Variants in DCUN1D4 observed in about 807,000 individuals in gnomAD.
DCUN1D4 encodes defective in cullin neddylation 1 domain containing 4.
A neutral mutation model predicts 47.9 loss-of-function variants in DCUN1D4; 22 were observed. The ratio of observed to expected loss-of-function variants is 0.46; its 90% confidence interval spans 0.33 to 0.66. The LOEUF is 0.66. DCUN1D4 is among the 30% of genes least tolerant of loss of function. DCUN1D4 has a pLI of 0.02. For missense variants in DCUN1D4, 301 were observed against 340.8 expected, an observed-to-expected ratio of 0.88 and a Z score of 0.92; for synonymous variants, 121 against 112.2, an observed-to-expected ratio of 1.08 and a Z score of -0.50.
At position 51,863,601 on chromosome 4, in the gene DCUN1D4, G is replaced by A. The variant is rs73246084; in HGVS notation, c.97-69G>A. On this transcript the variant is annotated intron_variant, in intron 2 of 10. Coordinates refer to ENST00000334635, the MANE Select transcript of DCUN1D4 (RefSeq NM_001040402.3). The stretch of plus-strand genomic sequence containing the variant: ...TAAAAATTTAGATTCTAGATATTAG[G>A]ATATCAGTTGTTTATGAAAATGCTA... 2.5e-3 allele frequency: 3,876 copies of A among 1,581,210 alleles called. 15 individuals are homozygous for A. Among genetic ancestry groups the A allele is most frequent in the Non-Finnish European group, 3.1e-3 (3,582 of 1,155,940 alleles).
chr4:51,845,352 T>G, intron 1 of DCUN1D4: 3 of 893,248 alleles, frequency 3.4e-6, no homozygotes, highest in Non-Finnish European at 4.0e-6. Context: ...TAGTGGAATT[T>G]AGGGTGGAAA....
chr4:51,846,665 G>A (rs903179867), intron 1 of DCUN1D4, among the ~76,000 whole-genome samples: 1 of 152,264 alleles, frequency 6.6e-6, no homozygotes, highest in Non-Finnish European at 1.5e-5. Flanking sequence ...ATGATCTCTT[G>A]TATCAGTTAG....
At chr4:51,841,241 A>C (rs1721632628), upstream of DCUN1D4, among the ~76,000 whole-genome samples, 1 of 143,360 alleles carries the variant, frequency 7.0e-6, no homozygotes, top group African/African-American at 2.5e-5. Context: ...GGTAAACGGT[A>C]AAAAAAAAAA....
chr4:51,839,754 A>G (rs1359778310), upstream of DCUN1D4, among the ~76,000 whole-genome samples: 2 of 152,204 alleles, frequency 1.3e-5, no homozygotes, highest in African/African-American at 4.8e-5. Context: ...GGACACATTT[A>G]TCTGTCTGTG....
At chr4:51,903,703 A>G (rs144159006) in intron 8 of DCUN1D4, among the ~76,000 whole-genome samples, 2 of 152,036 alleles carry the variant, frequency 1.3e-5, no homozygotes. Context: ...TCTGTGTCTC[A>G]TTTTTAATCA....
intron 1 of DCUN1D4, among the ~76,000 whole-genome samples, chr4:51,858,892 G>T (rs972624004): frequency 6.6e-6 from 1 of 152,202 alleles, no homozygotes; most frequent in South Asian, 2.1e-4. Flanking sequence ...GACTGTATGG[G>T]CCAGAAATCC....
chr4:51,872,189 A>C (rs1727001943), intron 3 of DCUN1D4, among the ~76,000 whole-genome samples: 1 of 152,194 alleles, frequency 6.6e-6, no homozygotes. Flanking sequence ...TATAATGGAA[A>C]GGGTGCTTTG....
chr4:51,841,963 G>A (rs1183641224), upstream of DCUN1D4, among the ~76,000 whole-genome samples: 1 of 147,632 alleles, frequency 6.8e-6, no homozygotes, highest in African/African-American at 2.5e-5. Flanking sequence ...CTGGGATGAG[G>A]GTGGAGGCAG....
chr4:51,834,684 G>A, the DCUN1D4 span, among the ~76,000 whole-genome samples: 1 of 152,102 alleles, frequency 6.6e-6, no homozygotes, highest in Non-Finnish European at 1.5e-5. Flanking sequence ...CCGAAAATGG[G>A]AGCAGTCTGT....
intron 1 of DCUN1D4, chr4:51,848,352 A>G (rs1043835886): frequency 2.4e-6 from 3 of 1,270,154 alleles, no homozygotes; most frequent in African/African-American, 3.1e-5. Flanking sequence ...GCACAAGGTT[A>G]AGGCAGCATT....
chr4:51,845,382 A>C (rs1722375368), intron 1 of DCUN1D4: 1 of 638,626 alleles, frequency 1.6e-6, no homozygotes, highest in South Asian at 7.0e-5. Flanking sequence ...GAGCAAAGGT[A>C]ATATGTGACG....
chr4:51,880,549 A>G (rs1417870775), intron 5 of DCUN1D4, among the ~76,000 whole-genome samples: 1 of 152,116 alleles, frequency 6.6e-6, no homozygotes, highest in Non-Finnish European at 1.5e-5. Context: ...CAGCTCTTCC[A>G]AGTTTCTGTC....
the DCUN1D4 span, among the ~76,000 whole-genome samples, chr4:51,836,679 G>C: frequency 6.6e-6 from 1 of 152,250 alleles, no homozygotes; most frequent in East Asian, 1.9e-4. Context: ...CACTAGGACA[G>C]GAAGTTCTTA....
chr4:51,897,313 A>G (rs1457067596), intron 7 of DCUN1D4, among the ~76,000 whole-genome samples: 1 of 152,238 alleles, frequency 6.6e-6, no homozygotes, highest in East Asian at 1.9e-4. Context: ...ATAAGGACTT[A>G]TTTGTAGTTA....
chr4:51,879,743 T>C (rs1297342046), intron 5 of DCUN1D4, among the ~76,000 whole-genome samples: 4 of 152,270 alleles, frequency 2.6e-5, no homozygotes, highest in Non-Finnish European at 5.9e-5. Context: ...TTTATTGTTA[T>C]GAAAATGTTT....
chr4:51,909,097 T>G, intron 8 of DCUN1D4: 1 of 440,310 alleles, frequency 2.3e-6, no homozygotes, highest in South Asian at 1.6e-5. Flanking sequence ...CAGATGATTA[T>G]ATTGTTGCAA....
chr4:51,848,238 T>C, intron 1 of DCUN1D4: 2 of 1,289,354 alleles, frequency 1.6e-6, no homozygotes, highest in Non-Finnish European at 2.0e-6. Context: ...GTGGAGAAAT[T>C]CTCAAGGAAA....
chr4:51,888,736 A>AC (rs1314116223), intron 6 of DCUN1D4, among the ~76,000 whole-genome samples: 132 of 150,234 alleles, frequency 8.8e-4, no homozygotes, highest in Non-Finnish European at 8.4e-4. Context: ...AAAAAAAAAA[A>AC]AAAAAAACTC....
chr4:51,843,728 C>T, intron 1 of DCUN1D4: 2 of 1,193,864 alleles, frequency 1.7e-6, no homozygotes, highest in Non-Finnish European at 2.1e-6. Context: ...GCGGGCGGCT[C>T]CGTGAGAAAG....
Sources: allele counts gnomAD v4.1 joint callset (sites outside exome capture counted in the v4.1 genomes callset), GRCh38; gene constraint gnomAD v4.1.1; transcripts MANE v1.5; gene names NCBI Gene and HGNC (gene_info 2026-07-23, HGNC 2026-07-21).